TXNRD1: variants seen among roughly 807,000 people sequenced by gnomAD.
TXNRD1 encodes the protein thioredoxin reductase 1.
Under a neutral mutation model 80.3 loss-of-function variants are expected in TXNRD1, and 57 were observed. That is an observed-to-expected ratio of 0.71 (90% confidence interval 0.57 to 0.89). The LOEUF is 0.89. TXNRD1 is among the 40% of genes least tolerant of loss of function. The probability of loss-of-function intolerance (pLI) is 0.00; values close to 1 mark genes in which losing one functional copy is unlikely to be tolerated. For missense variants in TXNRD1, 730 were observed against 803.0 expected (o/e 0.91, Z 1.10); for synonymous variants, 291 against 285.2 (o/e 1.02, Z -0.20).
chr12:104,304,022 C>G (rs2034767524), intron 4 of TXNRD1: 2 of 1,612,474 alleles, frequency 1.2e-6, no homozygotes, highest in African/African-American at 1.3e-5. Flanking sequence ...GCTCCTGGAG[C>G]TCACCGCTGA....
chr12:104,287,488 A>C, intron 3 of TXNRD1: 1 of 1,607,656 alleles, frequency 6.2e-7, no homozygotes, highest in Non-Finnish European at 8.5e-7. Context: ...CAATGTGTTG[A>C]GTGGACTGAC....
At chr12:104,241,319 G>A (rs558699199) in intron 1 of TXNRD1, among the ~76,000 whole-genome samples, 2 of 152,126 alleles carry the variant, frequency 1.3e-5, no homozygotes, top group Non-Finnish European at 2.9e-5. Flanking sequence ...GATTACAGAC[G>A]TGAGCCACTG....
At chr12:104,302,006 A>G (rs1335720672) in intron 4 of TXNRD1, among the ~76,000 whole-genome samples, 1 of 152,240 alleles carries the variant, frequency 6.6e-6, no homozygotes, top group African/African-American at 2.4e-5. Flanking sequence ...TTTAAGTTAT[A>G]CATTCAGTAC....
chr12:104,253,693 T>C lies in TXNRD1; in HGVS notation c.243+2015T>C, dbSNP rs2033180240. ...GCTTGAACTAGTTGCTTATTGAGGG[T>C]TTTTTTGTTTTTGTTTTTGAGACAG... On this transcript the variant is annotated intron_variant, in intron 2 of 16. Coordinates refer to ENST00000525566, the MANE Select transcript of TXNRD1 (RefSeq NM_001093771.3). 2.6e-5 allele frequency among the ~76,000 whole-genome samples: 4 copies of C among 151,948 alleles called. No homozygotes were observed. The South Asian group carries it at 8.3e-4, about 32-fold the overall frequency.
At chr12:104,227,943 T>C (rs2032510838) in intron 1 of TXNRD1, among the ~76,000 whole-genome samples, 1 of 152,196 alleles carries the variant, frequency 6.6e-6, no homozygotes, top group Middle Eastern at 3.2e-3. Context: ...GAAGGATATT[T>C]AGATTTTTTC....
chr12:104,320,446 C>T (rs7309973), intron 9 of TXNRD1, among the ~76,000 whole-genome samples: 10,715 of 152,158 alleles, frequency 0.07, 645 homozygotes, highest in African/African-American at 0.16. Context: ...CCCCTAATAT[C>T]ATTGCCTTGG....
At chr12:104,340,010 C>A (rs1024683489) in intron 16 of TXNRD1, among the ~76,000 whole-genome samples, 3 of 152,208 alleles carry the variant, frequency 2.0e-5, no homozygotes, top group African/African-American at 7.2e-5. Flanking sequence ...ACTGGTTGTT[C>A]TGTCTGTTCA....
intron 1 of TXNRD1, among the ~76,000 whole-genome samples, chr12:104,238,190 G>A (rs1471101526): frequency 6.6e-6 from 1 of 152,034 alleles, no homozygotes; most frequent in East Asian, 1.9e-4. Context: ...TTTGTCATTC[G>A]CAGACAATTG....
At chr12:104,312,552 A>C (rs1490602421) in intron 5 of TXNRD1, among the ~76,000 whole-genome samples, 1 of 152,232 alleles carries the variant, frequency 6.6e-6, no homozygotes. Flanking sequence ...GTGTGTTTGA[A>C]AGACGTGTAG....
At position 104,304,079 on chromosome 12, in the gene TXNRD1, T is replaced by C. The variant is rs200141047; in HGVS notation, c.415-7211T>C. 3.0e-4 allele frequency: 478 copies of C among 1,613,940 alleles called. 1 individual carries two copies. In the African/African-American group the frequency reaches 5.8e-3, roughly 20 times the overall value. On this transcript the variant is annotated intron_variant, in intron 4 of 16. Transcript: ENST00000525566. ...CCGCAGGCAGTACCGGCAGCTCATG[T>C]ACTGCGTGCGGCAGAACCGGGAGGA... is the stretch of plus-strand genomic sequence containing the variant.
At position 104,258,067 on chromosome 12, in the gene TXNRD1, C is replaced by A; in HGVS notation, c.292C>A (p.Leu98Ile). 1.9e-6 allele frequency: 3 copies of A among 1,551,308 alleles called. No homozygotes were observed. The highest frequency in any genetic ancestry group is 2.6e-6 in the Non-Finnish European group (3 of 1,145,916). Reference sequence around the variant, plus strand: ...GTGTGTTCCTTATTTTGTGCTTGAACTTGATCAAACAGGTAAGTTTCTGTT... The same window carrying A: ...GTGTGTTCCTTATTTTGTGCTTGAAATTGATCAAACAGGTAAGTTTCTGTT... ...SLCVPYFVLELDQTEDGRALE... is the reference protein window; with the variant it reads ...SLCVPYFVLEIDQTEDGRALE... Residue 98 changes from leucine to isoleucine, a missense_variant, in exon 3 of 17, where the codon CTT (leucine) becomes ATT (isoleucine). Leu to Ile is a conservative substitution (Grantham distance 5). Coordinates refer to ENST00000525566, the MANE Select transcript of TXNRD1 (RefSeq NM_001093771.3).
intron 3 of TXNRD1, among the ~76,000 whole-genome samples, chr12:104,277,694 C>CG (rs1342691968): frequency 4.6e-5 from 7 of 151,480 alleles, no homozygotes; most frequent in Non-Finnish European, 1.0e-4. Context: ...AGAAGGTTAC[C>CG]GGGGTTTTTT....
At chr12:104,322,047 C>T (rs1342803692) in intron 10 of TXNRD1, among the ~76,000 whole-genome samples, 2 of 149,290 alleles carry the variant, frequency 1.3e-5, no homozygotes, top group Non-Finnish European at 3.0e-5. Context: ...GTGTATGTGA[C>T]TATGGATCTC....
At chr12:104,345,567 G>T (rs759442898) in intron 16 of TXNRD1, among the ~76,000 whole-genome samples, 1 of 152,206 alleles carries the variant, frequency 6.6e-6, no homozygotes, top group Non-Finnish European at 1.5e-5. Flanking sequence ...GCCGTATTCA[G>T]TGTGAGATGG....
chr12:104,248,323 TGC>T lies in TXNRD1; in HGVS notation c.92-3203_92-3202del, dbSNP rs202008775. ...TATTGGAGACAGAGTCTCACTCTGTTGCCCAGGCTGGAGTGCAGTGGTGCGAT... is the reference window on the plus strand; with the variant it reads ...TATTGGAGACAGAGTCTCACTCTGTTCCAGGCTGGAGTGCAGTGGTGCGAT... On this transcript the variant is annotated intron_variant, in intron 1 of 16. Transcript: ENST00000525566. Among the ~76,000 whole-genome samples, 507 of 152,298 alleles carry T rather than the reference TGC, an allele frequency of 3.3e-3. 1 individual carries two copies. Among genetic ancestry groups the T allele is most frequent in the African/African-American group, 0.012 (481 of 41,558 alleles).
intron 1 of TXNRD1, among the ~76,000 whole-genome samples, chr12:104,241,670 T>C (rs1409245085): frequency 1.3e-5 from 2 of 152,066 alleles, no homozygotes; most frequent in Non-Finnish European, 2.9e-5. Flanking sequence ...ACCCAGCCAG[T>C]CTGATTTCTT....
chr12:104,228,448 A>G (rs1395771872), intron 1 of TXNRD1, among the ~76,000 whole-genome samples: 1 of 151,932 alleles, frequency 6.6e-6, no homozygotes, highest in Non-Finnish European at 1.5e-5. Context: ...CCTGACCAAC[A>G]TGGAGAAACC....
chr12:104,273,637 C>T (rs976263728), intron 3 of TXNRD1, among the ~76,000 whole-genome samples: 2 of 152,014 alleles, frequency 1.3e-5, no homozygotes, highest in East Asian at 1.9e-4. Context: ...AGAATGCTCG[C>T]GCCACCCTCA....
At chr12:104,294,110 C>T (rs1229136145) in intron 4 of TXNRD1, among the ~76,000 whole-genome samples, 1 of 152,102 alleles carries the variant, frequency 6.6e-6, no homozygotes, top group Non-Finnish European at 1.5e-5. Flanking sequence ...AGTGTGACCA[C>T]TGAAGCACAG....
Sources: allele counts gnomAD v4.1 joint callset (sites outside exome capture counted in the v4.1 genomes callset), GRCh38; gene constraint gnomAD v4.1.1; transcripts MANE v1.5; gene names NCBI Gene and HGNC (gene_info 2026-07-23, HGNC 2026-07-21).